Variants in FER observed in about 807,000 individuals in gnomAD.
FER encodes the protein FER tyrosine kinase, also known as tyrosine-protein kinase Fer.
A neutral mutation model predicts 111.0 loss-of-function variants in FER; 63 were observed. The ratio of observed to expected loss-of-function variants is 0.57; its 90% CI spans 0.46 to 0.70. The LOEUF (loss-of-function observed/expected upper bound fraction) is 0.70. FER is among the 30% of genes least tolerant of loss of function. The probability of loss-of-function intolerance (pLI) is 0.00; values close to 1 mark genes in which losing one functional copy is unlikely to be tolerated. For synonymous variants in FER, 327 were observed against 313.9 expected, an observed-to-expected ratio of 1.04 and a Z score of -0.44; for missense variants, 914 against 954.0, an observed-to-expected ratio of 0.96 and a Z score of 0.55.
At chr5:108,828,451 G>T (rs1175868401) in intron 3 of FER, among the ~76,000 whole-genome samples, 1 of 152,006 alleles carries the variant, frequency 6.6e-6, no homozygotes, top group Non-Finnish European at 1.5e-5. Context: ...CTTCATTTTT[G>T]TTGGTATCCT....
At chr5:109,111,224 T>C (rs868183288) in intron 17 of FER, among the ~76,000 whole-genome samples, 1 of 152,160 alleles carries the variant, frequency 6.6e-6, no homozygotes, top group Non-Finnish European at 1.5e-5. Flanking sequence ...TTATGACTTG[T>C]AAATGAACAC....
intron 8 of FER, among the ~76,000 whole-genome samples, chr5:108,878,049 G>A (rs1000740589): frequency 2.0e-5 from 3 of 151,908 alleles, no homozygotes; most frequent in African/African-American, 7.3e-5. Context: ...GGAACTACGG[G>A]TGTGCACCAC....
At chr5:109,100,130 G>T (rs1414014268) in intron 16 of FER, among the ~76,000 whole-genome samples, 1 of 151,666 alleles carries the variant, frequency 6.6e-6, no homozygotes, top group African/African-American at 2.4e-5. Context: ...TATGATTTTT[G>T]TATATTATTA....
chr5:109,168,009 A>T (rs1756733681), intron 17 of FER, among the ~76,000 whole-genome samples: 1 of 150,522 alleles, frequency 6.6e-6, no homozygotes, highest in African/African-American at 2.5e-5. Flanking sequence ...TAGCTTAATT[A>T]TACCAAATGC....
At chr5:108,885,708 A>G (rs867715948) in intron 9 of FER, among the ~76,000 whole-genome samples, 2 of 151,544 alleles carry the variant, frequency 1.3e-5, no homozygotes, top group Middle Eastern at 3.2e-3. Flanking sequence ...AAAGGCCCCC[A>G]CCTCCTAATA....
At chr5:109,012,919 A>G (rs976711668) in intron 13 of FER, among the ~76,000 whole-genome samples, 1 of 152,186 alleles carries the variant, frequency 6.6e-6, no homozygotes, top group Non-Finnish European at 1.5e-5. Flanking sequence ...AGCAAGGGAC[A>G]TTGGAAGTAA....
intron 13 of FER, among the ~76,000 whole-genome samples, chr5:108,961,844 C>G (rs546736022): frequency 4.6e-5 from 7 of 152,108 alleles, no homozygotes; most frequent in Non-Finnish European, 8.8e-5. Context: ...ATAACTGAAT[C>G]TATTTCTTGA....
intron 16 of FER, among the ~76,000 whole-genome samples, chr5:109,066,224 G>C (rs1333376915): frequency 6.6e-6 from 1 of 152,128 alleles, no homozygotes; most frequent in African/African-American, 2.4e-5. Context: ...CTACCAGCAA[G>C]TGGTTGAATC....
chr5:109,191,450 T>G lies in FER; in HGVS notation c.*3875T>G, dbSNP rs1759372539. 6.6e-6 allele frequency: 1 copy of G among 152,190 alleles called. No homozygotes were observed. The highest frequency in any genetic ancestry group is 6.6e-5 in the Admixed American group (1 of 15,262). 9.4% of individuals were successfully genotyped at this position (152,190 alleles called of 1,614,324 possible). A position where few individuals can be genotyped will look rare whatever the true frequency, so the allele number is the denominator to read the frequency against. On this transcript the variant is annotated 3_prime_UTR_variant, in exon 20 of 20. Coordinates refer to ENST00000281092, the MANE Select transcript of FER (RefSeq NM_005246.4). ...GATGTTTCTTATCAACAAAATTGGC[T>G]GCCCTGGTTAGTGCTGAGTCATCGC...
At chr5:108,794,501 G>A (rs1416565272) in intron 2 of FER, among the ~76,000 whole-genome samples, 1 of 149,722 alleles carries the variant, frequency 6.7e-6, no homozygotes, top group Non-Finnish European at 1.5e-5. Flanking sequence ...TTACAGATGT[G>A]AGTCACTGTG....
At chr5:108,835,632 T>C (rs534823675) in intron 4 of FER, 76 bp from the exon 5 acceptor site, 28 of 905,794 alleles carry the variant, frequency 3.1e-5, no homozygotes, top group South Asian at 1.4e-4. Flanking sequence ...CATCAGTTAA[T>C]ACTTTGGAAT....
At chr5:109,041,378 A>C (rs776043193) in intron 14 of FER, among the ~76,000 whole-genome samples, 4 of 152,152 alleles carry the variant, frequency 2.6e-5, no homozygotes, top group South Asian at 2.1e-4. Flanking sequence ...ATAATAAAAG[A>C]ATGACGTAAA....
chr5:108,903,572 G>T (rs1047897297), intron 10 of FER, among the ~76,000 whole-genome samples: 5 of 152,194 alleles, frequency 3.3e-5, no homozygotes, highest in African/African-American at 1.2e-4. Context: ...TCCGTAGAGG[G>T]AGGAAATGAA....
intron 16 of FER, among the ~76,000 whole-genome samples, chr5:109,080,919 A>G (rs1490085955): frequency 2.0e-5 from 3 of 152,110 alleles, no homozygotes. Context: ...AAGAGGGACA[A>G]TGCTGGGTAG....
chr5:108,921,130 C>G (rs1034867116), intron 10 of FER, among the ~76,000 whole-genome samples: 1 of 152,150 alleles, frequency 6.6e-6, no homozygotes, highest in Non-Finnish European at 1.5e-5. Flanking sequence ...TAGGCCCTAT[C>G]AGACCCCTGT....
At chr5:109,075,141 CTCT>C (rs1299754735) in intron 16 of FER, among the ~76,000 whole-genome samples, 1 of 152,146 alleles carries the variant, frequency 6.6e-6, no homozygotes, top group Non-Finnish European at 1.5e-5. Context: ...CTTCTCTCAT[CTCT>C]TGTTTACGCT....
chr5:108,992,577 G>A (rs1429034190), intron 13 of FER, among the ~76,000 whole-genome samples: 1 of 151,538 alleles, frequency 6.6e-6, no homozygotes, highest in Non-Finnish European at 1.5e-5. Flanking sequence ...AGTAGGGGTG[G>A]CTGGGCAGAG....
At chr5:109,022,795 A>T (rs1283265825) in intron 13 of FER, among the ~76,000 whole-genome samples, 1 of 152,086 alleles carries the variant, frequency 6.6e-6, no homozygotes, top group Non-Finnish European at 1.5e-5. Flanking sequence ...TGTATAGAGG[A>T]TCAAAATCAA....
Position 109,045,874 on chromosome 5 carries a change from C to G in FER, c.1829+1079C>G, listed in dbSNP as rs114833412. Among the ~76,000 whole-genome samples, 956 of 152,270 alleles carry G rather than the reference C, an allele frequency of 6.3e-3. 10 individuals carry two copies. Among genetic ancestry groups the G allele is most frequent in the African/African-American group, 0.022 (900 of 41,546 alleles). ...GTGGAAATTCAGGCTGTGATGTTAG[C>G]AAGCTTGTTTCTGCACAGATGCCAG... On this transcript the variant is annotated intron_variant, in intron 15 of 19. Transcript: ENST00000281092.
Sources: gnomAD v4.1 joint callset for allele counts (sites outside exome capture counted in the v4.1 genomes callset) on GRCh38, gnomAD v4.1.1 for gene constraint, MANE v1.5 for transcripts, NCBI Gene and HGNC (gene_info 2026-07-23, HGNC 2026-07-21) for gene names.